The following POLD3 variants were observed in gnomAD, a reference collection of about 807,000 sequenced individuals.
POLD3 encodes the protein DNA polymerase delta 3, accessory subunit, also known as DNA polymerase delta subunit 3.
In POLD3, 19 loss-of-function variants were observed where a neutral mutation model predicts 58.2. That is an observed-to-expected ratio of 0.33 (90% CI 0.23 to 0.48). The LOEUF is 0.48. Among genes scored for constraint, POLD3 ranks in the 20% least tolerant of loss-of-function variants. The probability of loss-of-function intolerance (pLI) is 0.99; values close to 1 mark genes in which losing one functional copy is unlikely to be tolerated. For synonymous variants in POLD3, 172 were observed against 193.5 expected (o/e 0.89, Z 0.92); for missense variants, 504 against 545.5 (o/e 0.92, Z 0.76).
chr11:74,609,170 A>T (rs2031798930), intron 3 of POLD3, among the ~76,000 whole-genome samples: 1 of 151,714 alleles, frequency 6.6e-6, no homozygotes, highest in Non-Finnish European at 1.5e-5. Context: ...AAGGATGCAC[A>T]GTCATCCTGT....
downstream of POLD3, among the ~76,000 whole-genome samples, chr11:74,643,664 T>C (rs1450585361): frequency 1.3e-5 from 2 of 152,212 alleles, no homozygotes; most frequent in South Asian, 2.1e-4. Flanking sequence ...AACTTGAGAA[T>C]AGGGAGGAAA....
chr11:74,617,246 A>G (rs2032107194), intron 5 of POLD3, among the ~76,000 whole-genome samples: 1 of 152,156 alleles, frequency 6.6e-6, no homozygotes, highest in Non-Finnish European at 1.5e-5. Flanking sequence ...GTTCCCTTTA[A>G]TATGCCACAC....
intron 4 of POLD3, among the ~76,000 whole-genome samples, chr11:74,664,140 G>A (rs1208211116): frequency 1.3e-5 from 2 of 152,202 alleles, no homozygotes; most frequent in Non-Finnish European, 2.9e-5. Flanking sequence ...AACAGCTTAA[G>A]TGGTAAGATT....
chr11:74,635,993 A>G (rs1349579422), intron 10 of POLD3, among the ~76,000 whole-genome samples: 1 of 152,234 alleles, frequency 6.6e-6, no homozygotes, highest in East Asian at 1.9e-4. Context: ...TCTTATGAAC[A>G]ATGAAGTATC....
At chr11:74,593,009 C>T in intron 1 of POLD3, 4 of 1,306,744 alleles carry the variant, frequency 3.1e-6, no homozygotes, top group Non-Finnish European at 3.9e-6. Context: ...GCTGAGAGTT[C>T]TAAGGCGTCC....
Position 74,592,667 on chromosome 11 carries a change from C to T in POLD3, c.9C>T (p.Asp3=). 1 of 1,613,246 alleles carries T rather than the reference C, an allele frequency of 6.2e-7. No homozygotes were observed. Among genetic ancestry groups the T allele is most frequent in the African/African-American group, 1.3e-5 (1 of 75,024 alleles). Residue 3 remains aspartate, a synonymous_variant, in exon 1 of 12, where the codon GAC becomes GAT. Transcript: ENST00000263681. MA[D]QLYLENIDEF... is the part of the protein sequence containing the mutation. ...CCCAGCGCTGCCGCACCATGGCGGACCAGCTTTATCTGGAAAATATAGACG... is the reference window on the plus strand; with the variant it reads ...CCCAGCGCTGCCGCACCATGGCGGATCAGCTTTATCTGGAAAATATAGACG...
At chr11:74,668,072 A>G (rs2033294123) in intron 4 of POLD3, among the ~76,000 whole-genome samples, 1 of 152,246 alleles carries the variant, frequency 6.6e-6, no homozygotes, top group African/African-American at 2.4e-5. Context: ...AAAAAGAGAC[A>G]ATAGCAAGTG....
In POLD3 at chr11:74,592,603, G is replaced by T; in HGVS notation, c.-56G>T. The T allele has an allele frequency of 6.2e-7, 1 of 1,606,284 alleles. No homozygotes were observed. The highest frequency in any genetic ancestry group is 8.5e-7 in the Non-Finnish European group (1 of 1,174,978). The stretch of plus-strand genomic sequence containing the variant: ...GAGCAAAGACGTTTCCCGCCGGCGG[G>T]AGCTGTGGCTGTGATTGAGAGAGGG... On this transcript the variant is annotated 5_prime_UTR_variant, in exon 1 of 12. Transcript: ENST00000263681.
chr11:74,600,664 G>C (rs933327905), intron 2 of POLD3, among the ~76,000 whole-genome samples: 60 of 143,478 alleles, frequency 4.2e-4, no homozygotes, highest in African/African-American at 1.4e-3. Flanking sequence ...GCTTAAATTA[G>C]ATAAAACATG....
chr11:74,657,439 G>T (rs1305035182), intron 4 of POLD3, among the ~76,000 whole-genome samples: 1 of 151,740 alleles, frequency 6.6e-6, no homozygotes, highest in Non-Finnish European at 1.5e-5. Context: ...TATGTTTTTT[G>T]ATTTGAGGTT....
intron 2 of POLD3, among the ~76,000 whole-genome samples, chr11:74,600,964 C>T (rs2031474381): frequency 6.6e-6 from 1 of 152,082 alleles, no homozygotes; most frequent in Non-Finnish European, 1.5e-5. Context: ...GGTGATCTGC[C>T]TGCCTTGGCC....
chr11:74,664,177 G>A (rs900057369), intron 4 of POLD3, among the ~76,000 whole-genome samples: 1 of 152,200 alleles, frequency 6.6e-6, no homozygotes, highest in Non-Finnish European at 1.5e-5. Context: ...AGTCTCATAC[G>A]TTGCTGGTAG....
At chr11:74,620,379 G>A (rs555858266) in intron 7 of POLD3, among the ~76,000 whole-genome samples, 18 of 152,248 alleles carry the variant, frequency 1.2e-4, no homozygotes, top group Admixed American at 1.0e-3. Flanking sequence ...CTTGAAAATG[G>A]GTGATTAAAA....
chr11:74,596,560 CTG>C (rs2031265700), intron 2 of POLD3, among the ~76,000 whole-genome samples: 1 of 152,160 alleles, frequency 6.6e-6, no homozygotes, highest in Non-Finnish European at 1.5e-5. Flanking sequence ...TATATATACA[CTG>C]TGGAGTAGTT....
intron 2 of POLD3, among the ~76,000 whole-genome samples, chr11:74,594,813 C>T (rs900768144): frequency 2.6e-5 from 4 of 151,870 alleles, no homozygotes; most frequent in Admixed American, 1.3e-4. Flanking sequence ...GAATGAGTGT[C>T]GAGCGAAGGG....
chr11:74,657,695 A>G (rs528077095), intron 4 of POLD3, among the ~76,000 whole-genome samples: 112 of 152,310 alleles, frequency 7.4e-4, no homozygotes, highest in Non-Finnish European at 7.9e-4. Flanking sequence ...CCACAGTTAC[A>G]GTGTTATAAT....
intron 7 of POLD3, among the ~76,000 whole-genome samples, chr11:74,624,333 A>T (rs998352761): frequency 6.6e-6 from 1 of 152,220 alleles, no homozygotes; most frequent in African/African-American, 2.4e-5. Context: ...GGATTCCACC[A>T]TTCGCATTTT....
At chr11:74,628,690 C>T (rs889101967) in intron 8 of POLD3, among the ~76,000 whole-genome samples, 2 of 152,014 alleles carry the variant, frequency 1.3e-5, no homozygotes, top group African/African-American at 4.8e-5. Flanking sequence ...AATATGTTTC[C>T]CCTTTCTACA....
chr11:74,640,481 T>C, intron 11 of POLD3, 83 bp from the exon 12 acceptor site: 2 of 1,435,468 alleles, frequency 1.4e-6, no homozygotes, highest in Non-Finnish European at 1.8e-6. Flanking sequence ...TCTGAAATGA[T>C]TGGGGTTAGC....
Sources: allele counts gnomAD v4.1 joint callset (sites outside exome capture counted in the v4.1 genomes callset), GRCh38; gene constraint gnomAD v4.1.1; transcripts MANE v1.5; gene names NCBI Gene and HGNC (gene_info 2026-07-23, HGNC 2026-07-21).